The following EFCAB6 variants were observed in gnomAD, a reference collection of about 807,000 sequenced individuals.
The protein encoded by EFCAB6 is EF-hand calcium-binding domain-containing protein 6.
Under a neutral mutation model 169.8 loss-of-function variants are expected in EFCAB6, and 156 were observed. That is an observed-to-expected ratio of 0.92 (90% CI 0.81 to 1.05). The LOEUF (loss-of-function observed/expected upper bound fraction) is 1.05. EFCAB6 is among the 50% of genes least tolerant of loss of function. EFCAB6 has a pLI of 0.00. For synonymous variants in EFCAB6, 698 were observed against 676.4 expected (o/e 1.03, Z -0.50); for missense variants, 1,800 against 1,829.1 (o/e 0.98, Z 0.29).
chr22:43,631,810 A>T (rs1231946976), intron 19 of EFCAB6, among the ~76,000 whole-genome samples: 1 of 151,990 alleles, frequency 6.6e-6, no homozygotes, highest in Non-Finnish European at 1.5e-5. Context: ...ACGCGTTTCA[A>T]AGTCACTGTA....
At chr22:43,595,602 TAA>T (rs1438430273) in intron 23 of EFCAB6, among the ~76,000 whole-genome samples, 1 of 152,056 alleles carries the variant, frequency 6.6e-6, no homozygotes, top group Admixed American at 6.5e-5. Flanking sequence ...AAAGCAGTAA[TAA>T]AAAGTTTCCC....
chr22:43,648,909 G>A (rs909473034), intron 17 of EFCAB6, among the ~76,000 whole-genome samples: 1 of 152,216 alleles, frequency 6.6e-6, no homozygotes, highest in African/African-American at 2.4e-5. Context: ...AGATAGGGCA[G>A]AGGATGAGAA....
chr22:43,702,476 C>T lies in EFCAB6; in HGVS notation c.1031+8999G>A, dbSNP rs1213778037. ...GTAGAAGAAATGGTCTCATTTTAAC[C>T]GCATTCCCCTAAGTCGATAAAGTAC... is the stretch of plus-strand genomic sequence containing the variant. On this transcript the variant is annotated intron_variant, in intron 10 of 31. Transcript: ENST00000262726. Among the ~76,000 whole-genome samples the T allele has an allele frequency of 3.3e-5, 5 of 152,186 alleles. No homozygotes were observed. In the South Asian group the frequency reaches 6.2e-4, roughly 19 times the overall value.
chr22:43,782,841 T>C (rs5764293), intron 2 of EFCAB6, among the ~76,000 whole-genome samples: 12,313 of 152,250 alleles, frequency 0.081, 656 homozygotes, highest in South Asian at 0.2. Flanking sequence ...CTTACAGCAA[T>C]CTGGGGAGCA....
intron 17 of EFCAB6, among the ~76,000 whole-genome samples, chr22:43,655,135 T>C (rs547678584): frequency 6.6e-6 from 1 of 152,174 alleles, no homozygotes; most frequent in East Asian, 1.9e-4. Context: ...CAGGCACCTG[T>C]AATCCCAGCT....
intron 8 of EFCAB6, among the ~76,000 whole-genome samples, chr22:43,721,087 C>A (rs1048310879): frequency 1.3e-5 from 2 of 152,046 alleles, no homozygotes; most frequent in Non-Finnish European, 2.9e-5. Flanking sequence ...CAATAATGTC[C>A]AGGCTGAGAG....
chr22:43,712,508 A>G (rs1456271139), intron 9 of EFCAB6, among the ~76,000 whole-genome samples: 2 of 152,228 alleles, frequency 1.3e-5, no homozygotes, highest in Non-Finnish European at 2.9e-5. Context: ...GCATAGAAAT[A>G]TTGGTATCTA....
At chr22:43,711,970 C>T (rs757441488) in intron 9 of EFCAB6, among the ~76,000 whole-genome samples, 1 of 152,134 alleles carries the variant, frequency 6.6e-6, no homozygotes, top group Non-Finnish European at 1.5e-5. Context: ...TGTGAGCCCA[C>T]GCTACGCTTC....
intron 26 of EFCAB6, among the ~76,000 whole-genome samples, chr22:43,560,827 C>T (rs932721677): frequency 2.6e-5 from 4 of 152,178 alleles, no homozygotes; most frequent in East Asian, 3.9e-4. Context: ...CTTTCCTAGA[C>T]GTGCAGAGAG....
rs145174426 is a variant in EFCAB6 at position 43,585,438 on chromosome 22, C to T, written c.3032+4636G>A. On this transcript the variant is annotated intron_variant, in intron 24 of 31. Transcript: ENST00000262726. ...AACTGAAATGCAAAGAAAAAAAGAA[C>T]GGGGAGAGGGTGGATAGGACAAGAT... Among the ~76,000 whole-genome samples the T allele has an allele frequency of 8.8e-4, 134 of 151,914 alleles. 1 individual carries two copies. Among genetic ancestry groups the T allele is most frequent in the African/African-American group, 2.5e-3 (105 of 41,444 alleles).
At position 43,762,376 on chromosome 22, in the gene EFCAB6, A is replaced by C. The variant is rs1603343324; in HGVS notation, c.440+2929T>G. 2.6e-5 allele frequency among the ~76,000 whole-genome samples: 4 copies of C among 152,262 alleles called. No individual in the cohort carries two copies. In the Middle Eastern group the frequency reaches 0.014, roughly 518 times the overall value. ...TCCAAATGGCAAAACTGAATACACA[A>C]ATTCACCAGGATTTGGCCAATACCC... On this transcript the variant is annotated intron_variant, in intron 5 of 31. Transcript: ENST00000262726.
chr22:43,536,119 A>G (rs1449435941), intron 29 of EFCAB6: 2 of 152,222 alleles, frequency 1.3e-5, no homozygotes, highest in Non-Finnish European at 2.9e-5. Flanking sequence ...ATGGTTGAAA[A>G]GAAAAAGCCA....
chr22:43,753,421 G>A (rs542725166), intron 6 of EFCAB6, among the ~76,000 whole-genome samples: 2 of 152,274 alleles, frequency 1.3e-5, no homozygotes, highest in South Asian at 2.1e-4. Context: ...GGTGGATCCC[G>A]AAGAGGACAC....
chr22:43,629,100 C>T (rs1327222654), intron 19 of EFCAB6, among the ~76,000 whole-genome samples: 4 of 152,310 alleles, frequency 2.6e-5, no homozygotes, highest in South Asian at 2.1e-4. Context: ...CATGGCAATC[C>T]AGCGTGATTA....
At chr22:43,623,903 C>T (rs2054300957) in intron 20 of EFCAB6, among the ~76,000 whole-genome samples, 2 of 126,192 alleles carry the variant, frequency 1.6e-5, no homozygotes, top group Non-Finnish European at 3.3e-5. Context: ...AGCGAGACTC[C>T]TTCTCAAAAA....
intron 20 of EFCAB6, among the ~76,000 whole-genome samples, chr22:43,621,089 ATTTT>A (rs3072756): frequency 8.5e-5 from 12 of 141,718 alleles, no homozygotes; most frequent in African/African-American, 1.6e-4. Context: ...ACACTATGCA[ATTTT>A]TTTTTTTTTT....
chr22:43,805,035 T>G (rs2062868067), intron 2 of EFCAB6, among the ~76,000 whole-genome samples: 1 of 152,178 alleles, frequency 6.6e-6, no homozygotes, highest in Non-Finnish European at 1.5e-5. Flanking sequence ...GAATGCAAAG[T>G]CAACATTCAA....
chr22:43,626,665 G>A lies in EFCAB6; in HGVS notation c.2247C>T (p.Ala749=), dbSNP rs766579572. 3.7e-6 allele frequency: 6 copies of A among 1,614,154 alleles called. No homozygotes were observed. The East Asian group carries it at 1.3e-4, about 36-fold the overall frequency. The part of the protein sequence containing the change: ...LKESFRDPYS[A]FFKTDADRDG... The stretch of plus-strand genomic sequence containing the variant: ...CCCTGTCAGCATCTGTTTTAAAGAA[G>A]GCAGAGTAGGGGTCCTAAAAACAAA... The change falls in exon 20 of 32, where the codon GCC becomes GCT. Residue 749 remains alanine (A), a synonymous_variant. Coordinates refer to ENST00000262726, the MANE Select transcript of EFCAB6 (RefSeq NM_022785.4).
chr22:43,656,624 A>C (rs942180897), intron 17 of EFCAB6, among the ~76,000 whole-genome samples: 1 of 152,190 alleles, frequency 6.6e-6, no homozygotes, highest in Non-Finnish European at 1.5e-5. Context: ...AATGGCCTAC[A>C]CTGTGCGGTA....
Sources: allele counts gnomAD v4.1 joint callset (sites outside exome capture counted in the v4.1 genomes callset), GRCh38; gene constraint gnomAD v4.1.1; transcripts MANE v1.5; gene names NCBI Gene and HGNC (gene_info 2026-07-23, HGNC 2026-07-21).